Variants in TLE4 observed in about 807,000 individuals in gnomAD.
TLE4 encodes the protein transducin-like enhancer protein 4.
Under a neutral mutation model 92.8 loss-of-function variants are expected in TLE4, and 8 were observed. That is an observed-to-expected ratio of 0.09 (90% CI 0.05 to 0.16). TLE4 has a LOEUF of 0.16. Among genes scored for constraint, TLE4 ranks in the 10% least tolerant of loss-of-function variants. The pLI, the probability that TLE4 is intolerant of heterozygous loss-of-function variation, is 1.00. For synonymous variants in TLE4, 371 were observed against 374.1 expected (o/e 0.99, Z 0.10); for missense variants, 675 against 997.6 (o/e 0.68, Z 4.36).
At chr9:79,609,508 C>T (rs1185694331) in intron 4 of TLE4, among the ~76,000 whole-genome samples, 1 of 151,988 alleles carries the variant, frequency 6.6e-6, no homozygotes, top group Non-Finnish European at 1.5e-5. Flanking sequence ...TAGGAAAATA[C>T]ATCTGCAACT....
At chr9:79,627,192 T>G (rs764615732) in intron 5 of TLE4, among the ~76,000 whole-genome samples, 182 bp from the exon 6 acceptor site, 1 of 152,138 alleles carries the variant, frequency 6.6e-6, no homozygotes, top group Non-Finnish European at 1.5e-5. Flanking sequence ...CTCCTCAACT[T>G]TGTGGACCCA....
intron 8 of TLE4, among the ~76,000 whole-genome samples, chr9:79,671,923 G>GT (rs1207460982): frequency 7.7e-5 from 9 of 116,830 alleles, no homozygotes; most frequent in Non-Finnish European, 1.2e-4. Flanking sequence ...CAGTTTCTCC[G>GT]TTAAAAAAAA....
intron 6 of TLE4, among the ~76,000 whole-genome samples, chr9:79,647,625 A>G (rs1459116147): frequency 6.6e-6 from 1 of 152,202 alleles, no homozygotes; most frequent in Non-Finnish European, 1.5e-5. Context: ...TCATCAGTGT[A>G]TAAAATCATG....
intron 8 of TLE4, among the ~76,000 whole-genome samples, chr9:79,702,925 T>C (rs1366029375): frequency 6.6e-6 from 1 of 152,154 alleles, no homozygotes; most frequent in Non-Finnish European, 1.5e-5. Flanking sequence ...ACATTAAGGC[T>C]CAGTGGAAAT....
At chr9:79,688,513 C>T (rs1194388921) in intron 8 of TLE4, among the ~76,000 whole-genome samples, 1 of 151,890 alleles carries the variant, frequency 6.6e-6, no homozygotes, top group Non-Finnish European at 1.5e-5. Flanking sequence ...TTAATATGTT[C>T]CTATCATACA....
At chr9:79,692,819 A>G (rs1448002066) in intron 8 of TLE4, among the ~76,000 whole-genome samples, 1 of 152,144 alleles carries the variant, frequency 6.6e-6, no homozygotes, top group Non-Finnish European at 1.5e-5. Context: ...ATCACTTCTT[A>G]AAGGCACAGC....
At chr9:79,712,980 A>G (rs1386399081) in intron 14 of TLE4, among the ~76,000 whole-genome samples, 2 of 152,270 alleles carry the variant, frequency 1.3e-5, no homozygotes, top group East Asian at 3.8e-4. Flanking sequence ...TTTTCAAATG[A>G]GAATAATGCC....
chr9:79,649,654 A>G (rs1215365850), intron 6 of TLE4: 1 of 369,508 alleles, frequency 2.7e-6, no homozygotes, highest in Non-Finnish European at 4.9e-6. Context: ...ATTAGCATAC[A>G]AGAGGAAGAG....
At chr9:79,603,888 G>A (rs1170036922) in intron 4 of TLE4, among the ~76,000 whole-genome samples, 2 of 152,026 alleles carry the variant, frequency 1.3e-5, no homozygotes, top group African/African-American at 2.4e-5. Flanking sequence ...TACTACTAGG[G>A]GTCTGGTCTG....
chr9:79,704,221 C>T (rs1326100065), intron 8 of TLE4, among the ~76,000 whole-genome samples: 2 of 152,166 alleles, frequency 1.3e-5, no homozygotes, highest in African/African-American at 4.8e-5. Context: ...TCAAGCAGTT[C>T]TCCTGCCTCA....
At chr9:79,694,430 T>G (rs971009209) in intron 8 of TLE4, among the ~76,000 whole-genome samples, 7 of 152,182 alleles carry the variant, frequency 4.6e-5, no homozygotes, top group Non-Finnish European at 7.3e-5. Flanking sequence ...ATCAACCTGT[T>G]CTTCCAGTGT....
intron 14 of TLE4, among the ~76,000 whole-genome samples, chr9:79,710,906 G>A (rs2073113337): frequency 6.6e-6 from 1 of 152,122 alleles, no homozygotes; most frequent in Non-Finnish European, 1.5e-5. Flanking sequence ...TCATAGTGGT[G>A]CTCACGGTAT....
intron 5 of TLE4, among the ~76,000 whole-genome samples, chr9:79,615,258 T>C (rs1042072170): frequency 1.3e-5 from 2 of 152,110 alleles, no homozygotes; most frequent in Non-Finnish European, 2.9e-5. Context: ...GCATGGAAAA[T>C]CACTCTTGCA....
chr9:79,643,528 C>T (rs775149151), intron 6 of TLE4, among the ~76,000 whole-genome samples: 41 of 152,086 alleles, frequency 2.7e-4, no homozygotes, highest in Non-Finnish European at 5.3e-4. Flanking sequence ...TCACAGTGTC[C>T]GAAAGCATTT....
intron 19 of TLE4, among the ~76,000 whole-genome samples, chr9:79,723,656 T>C (rs2075993281): frequency 6.6e-6 from 1 of 152,190 alleles, no homozygotes; most frequent in Admixed American, 6.5e-5. Context: ...TTATTAACCT[T>C]CTATATTTAG....
chr9:79,634,310 G>A (rs148057108), intron 6 of TLE4, among the ~76,000 whole-genome samples: 54 of 152,140 alleles, frequency 3.5e-4, no homozygotes, highest in East Asian at 1.4e-3. Flanking sequence ...TTTAATTAAC[G>A]CATTTTAATT....
intron 6 of TLE4, among the ~76,000 whole-genome samples, chr9:79,635,934 C>G (rs533783386): frequency 3.9e-5 from 6 of 152,232 alleles, no homozygotes; most frequent in Admixed American, 6.5e-5. Flanking sequence ...AACACTTTCT[C>G]TCATCAGAAA....
At position 79,704,850 on chromosome 9, in the gene TLE4, C is replaced by A; in HGVS notation, c.677C>A (p.Ser226Tyr). The A allele has an allele frequency of 3.7e-6, 6 of 1,614,180 alleles. No homozygotes were observed. Among genetic ancestry groups the A allele is most frequent in the Non-Finnish European group, 4.2e-6 (5 of 1,180,020 alleles). ...AAGCACAGAAACTCCGCAGACTACT[C>A]CTCAGAGAGCAAAAAGCAGAAAACT... ...AEKHRNSADYSSESKKQKTEE... is the reference protein window; with the variant it reads ...AEKHRNSADYYSESKKQKTEE... The change falls in exon 9 of 20, where the codon TCC (serine) becomes TAC (tyrosine). Residue 226 changes from serine to tyrosine, a missense_variant. Coordinates refer to ENST00000376552, the MANE Select transcript of TLE4 (RefSeq NM_007005.6).
At chr9:79,675,519 A>G (rs996452653) in intron 8 of TLE4, among the ~76,000 whole-genome samples, 1 of 152,246 alleles carries the variant, frequency 6.6e-6, no homozygotes, top group Non-Finnish European at 1.5e-5. Flanking sequence ...CATGAAAACA[A>G]TTAAGACATG....
Sources: gnomAD v4.1 joint callset for allele counts (sites outside exome capture counted in the v4.1 genomes callset) on GRCh38, gnomAD v4.1.1 for gene constraint, MANE v1.5 for transcripts, NCBI Gene and HGNC (gene_info 2026-07-23, HGNC 2026-07-21) for gene names.